Variants in BAIAP2 observed in about 807,000 individuals in gnomAD.
BAIAP2 encodes BAR/IMD domain-containing adapter protein 2.
BAIAP2 carries 18 observed loss-of-function variants against 63.0 expected under a neutral mutation model. The ratio of observed to expected loss-of-function variants is 0.29; its 90% CI spans 0.20 to 0.42. The LOEUF is 0.42. Among genes scored for constraint, BAIAP2 ranks in the 10% least tolerant of loss-of-function variants. The pLI is 1.00. For missense variants in BAIAP2, 610 were observed against 734.3 expected (o/e 0.83, Z 1.96); for synonymous variants, 386 against 307.6 (o/e 1.25, Z -2.67).
intron 7 of BAIAP2, among the ~76,000 whole-genome samples, chr17:81,101,587 A>AC (rs1438777997): frequency 6.6e-6 from 1 of 152,052 alleles, no homozygotes; most frequent in Non-Finnish European, 1.5e-5. Flanking sequence ...CTATACCTTG[A>AC]CACTTGTTCC....
intron 1 of BAIAP2, among the ~76,000 whole-genome samples, chr17:81,040,094 G>A (rs917685125): frequency 6.6e-6 from 1 of 152,212 alleles, no homozygotes; most frequent in South Asian, 2.1e-4. Context: ...ACCATGGGTG[G>A]GGACACTCGC....
At chr17:81,072,671 G>A (rs2052908159) in intron 3 of BAIAP2, among the ~76,000 whole-genome samples, 1 of 152,184 alleles carries the variant, frequency 6.6e-6, no homozygotes, top group Non-Finnish European at 1.5e-5. Flanking sequence ...GCGCCCAGAG[G>A]CCACGCCTCC....
At chr17:81,066,436 C>T (rs1302051118) in intron 3 of BAIAP2, among the ~76,000 whole-genome samples, 2 of 152,234 alleles carry the variant, frequency 1.3e-5, no homozygotes, top group Non-Finnish European at 2.9e-5. Flanking sequence ...CTGTTGGCTG[C>T]AGTGCACGCC....
At chr17:81,066,892 G>A (rs1483891963) in intron 3 of BAIAP2, among the ~76,000 whole-genome samples, 2 of 152,248 alleles carry the variant, frequency 1.3e-5, no homozygotes, top group Non-Finnish European at 2.9e-5. Context: ...TGTGACAGCA[G>A]TGTATGGGCA....
At chr17:81,090,875 A>C (rs908305383) in intron 6 of BAIAP2, among the ~76,000 whole-genome samples, 1 of 152,164 alleles carries the variant, frequency 6.6e-6, no homozygotes, top group Non-Finnish European at 1.5e-5. Flanking sequence ...TTGCCTTTGC[A>C]AACCCGGCCA....
chr17:81,084,774 C>CGGT (rs2055281165), intron 3 of BAIAP2, 58 bp from the exon 4 acceptor site: 1 of 1,552,462 alleles, frequency 6.4e-7, no homozygotes, highest in African/African-American at 1.4e-5. Flanking sequence ...AGTGGGATGA[C>CGGT]GGTGGTGACT....
intron 11 of BAIAP2, among the ~76,000 whole-genome samples, 182 bp downstream of exon 11, chr17:81,106,328 TGCCCTGTGCAGTGGGGCCCGAGA>T (rs983689647): frequency 2.6e-5 from 4 of 152,086 alleles, no homozygotes; most frequent in African/African-American, 9.7e-5. Context: ...GGCATGGTGG[TGCCCTGTGCAGTGGGGCCCGAGA>T]GCCCTGGGGA....
chr17:81,103,089 C>G (rs962498764), intron 7 of BAIAP2, among the ~76,000 whole-genome samples: 8 of 152,330 alleles, frequency 5.3e-5, no homozygotes, highest in African/African-American at 1.9e-4. Context: ...CCTTCCTGCC[C>G]TCGGCAGCCA....
chr17:81,060,274 T>G (rs748361751), intron 3 of BAIAP2, among the ~76,000 whole-genome samples: 1 of 152,114 alleles, frequency 6.6e-6, no homozygotes, highest in Non-Finnish European at 1.5e-5. Flanking sequence ...CCCATCTAAC[T>G]CCAAAGCATT....
intron 2 of BAIAP2, chr17:81,057,678 C>G: frequency 1.3e-5 from 18 of 1,369,972 alleles, no homozygotes; most frequent in Non-Finnish European, 1.7e-5. Context: ...GTCAAGGGAG[C>G]TCTCATGATT....
chr17:81,109,273 G>T (rs1281575885), intron 13 of BAIAP2: 1 of 1,307,436 alleles, frequency 7.6e-7, no homozygotes, highest in Non-Finnish European at 9.7e-7. Flanking sequence ...TGGGCCGTGC[G>T]GGGCACCCTC....
intron 13 of BAIAP2, chr17:81,109,533 G>A: frequency 1.0e-6 from 1 of 985,614 alleles, no homozygotes; most frequent in Non-Finnish European, 1.2e-6. Flanking sequence ...GGAAGGTGCT[G>A]GGGTCCCTGG....
intron 12 of BAIAP2, 34 bp downstream of exon 12, chr17:81,106,941 G>A (rs375040386): frequency 2.0e-5 from 30 of 1,475,612 alleles, no homozygotes; most frequent in Middle Eastern, 2.3e-4. Flanking sequence ...GGAGGGGCCC[G>A]CAGGTGGAAC....
At chr17:81,095,721 C>T (rs11869900) in intron 6 of BAIAP2, among the ~76,000 whole-genome samples, 6,575 of 152,218 alleles carry the variant, frequency 0.043, 494 homozygotes, top group African/African-American at 0.15. Context: ...TGGAGGGGCC[C>T]CGCCAGAGCA....
At chr17:81,091,419 C>T (rs1369001418) in intron 6 of BAIAP2, among the ~76,000 whole-genome samples, 1 of 152,128 alleles carries the variant, frequency 6.6e-6, no homozygotes, top group Non-Finnish European at 1.5e-5. Flanking sequence ...AGCAGCTGCA[C>T]CCTATGCTGG....
At chr17:81,093,531 G>A (rs1411089801) in intron 6 of BAIAP2, among the ~76,000 whole-genome samples, 3 of 152,090 alleles carry the variant, frequency 2.0e-5, no homozygotes, top group Non-Finnish European at 4.4e-5. Flanking sequence ...AGATGGCCCC[G>A]CATCCCTGGG....
chr17:81,042,038 G>A (rs2047145666), intron 1 of BAIAP2, among the ~76,000 whole-genome samples: 1 of 152,074 alleles, frequency 6.6e-6, no homozygotes, highest in African/African-American at 2.4e-5. Flanking sequence ...AGCCGTCAGG[G>A]GTGCCAATGC....
chr17:81,070,747 GT>G, intron 3 of BAIAP2, among the ~76,000 whole-genome samples: 1 of 152,338 alleles, frequency 6.6e-6, no homozygotes, highest in Middle Eastern at 3.4e-3. Flanking sequence ...GCCACCCCGG[GT>G]GGATGGCCGC....
intron 1 of BAIAP2, among the ~76,000 whole-genome samples, chr17:81,042,870 T>A (rs1224829105): frequency 1.3e-5 from 2 of 150,804 alleles, no homozygotes; most frequent in Admixed American, 1.3e-4. Flanking sequence ...AGGCGGGGCT[T>A]TTATTTTAAT....
Sources: allele counts gnomAD v4.1 joint callset (sites outside exome capture counted in the v4.1 genomes callset), GRCh38; gene constraint gnomAD v4.1.1; transcripts MANE v1.5; gene names NCBI Gene and HGNC (gene_info 2026-07-23, HGNC 2026-07-21).